The following PTPRJ variants were observed in gnomAD, a reference collection of about 807,000 sequenced individuals.
The protein encoded by PTPRJ is protein tyrosine phosphatase receptor type J.
Under a neutral mutation model 141.3 loss-of-function variants are expected in PTPRJ, and 129 were observed. That is an observed-to-expected ratio of 0.91 (90% CI 0.79 to 1.06). PTPRJ has a LOEUF of 1.06. PTPRJ is among the 50% of genes least tolerant of loss of function. The probability of loss-of-function intolerance (pLI) is 0.00; values close to 1 mark genes in which losing one functional copy is unlikely to be tolerated. For synonymous variants in PTPRJ, 610 were observed against 640.5 expected, an observed-to-expected ratio of 0.95 and a Z score of 0.72; for missense variants, 1,601 against 1,679.7, an observed-to-expected ratio of 0.95 and a Z score of 0.82.
At chr11:48,118,499 AC>A (rs1188226751) in intron 3 of PTPRJ, among the ~76,000 whole-genome samples, 1 of 152,202 alleles carries the variant, frequency 6.6e-6, no homozygotes, top group Non-Finnish European at 1.5e-5. Context: ...TGATACGAAA[AC>A]CAGACAAGGA....
In PTPRJ at chr11:48,150,425, C is replaced by T. The variant is rs79004751; in HGVS notation, c.3138+242C>T. Reference sequence around the variant, plus strand: ...CAGGTTACATTAAATGGCTATATAACGCAAGGGGTTGTTGCGCTCCAAACC... The same window carrying T: ...CAGGTTACATTAAATGGCTATATAATGCAAGGGGTTGTTGCGCTCCAAACC... On this transcript the variant is annotated intron_variant, in intron 18 of 24. Coordinates refer to ENST00000418331, the MANE Select transcript of PTPRJ (RefSeq NM_002843.4). 4.7e-3 allele frequency among the ~76,000 whole-genome samples: 715 copies of T among 152,300 alleles called. 5 individuals carry two copies. The highest frequency in any genetic ancestry group is 0.017 in the African/African-American group (692 of 41,556).
chr11:47,980,869 G>T lies in PTPRJ; in HGVS notation c.-44G>T. The stretch of plus-strand genomic sequence containing the variant: ...GTGCCCGGGCTCGGGCGCACGGCGG[G>T]GCCCGATTCGCGCGTCCGGGGCACG... On this transcript the variant is annotated 5_prime_UTR_variant, in exon 1 of 25. Transcript: ENST00000418331. 8 of 1,099,124 alleles carry T rather than the reference G, an allele frequency of 7.3e-6. No individual in the cohort carries two copies. Among genetic ancestry groups the T allele is most frequent in the Non-Finnish European group, 8.8e-6 (8 of 904,832 alleles). 68.1% of individuals were successfully genotyped at this position (1,099,124 alleles called of 1,614,324 possible). A position where few individuals can be genotyped will look rare whatever the true frequency, so the allele number is the denominator to read the frequency against.
chr11:48,130,859 T>G (rs1856960193), intron 8 of PTPRJ, 143 bp downstream of exon 8: 1 of 907,800 alleles, frequency 1.1e-6, no homozygotes. Context: ...CTAATGCTTA[T>G]TTATTATATG....
chr11:48,123,828 A>G lies in PTPRJ; in HGVS notation c.832A>G (p.Asn278Asp), dbSNP rs139028982. The G allele has an allele frequency of 3.7e-5, 60 of 1,614,046 alleles. No homozygotes were observed. The African/African-American group carries it at 6.3e-4, about 17-fold the overall frequency. The change falls in exon 5 of 25, where the codon AAT becomes GAT. Residue 278 changes from asparagine (N) to aspartate (D), a missense_variant. By Grantham distance (23) the Asn-to-Asp change is conservative (BLOSUM62 1). Coordinates refer to ENST00000418331, the MANE Select transcript of PTPRJ (RefSeq NM_002843.4). The stretch of plus-strand genomic sequence containing the variant: ...CATCAACCCGTATCTTCTACAATCA[A>G]ATAAGACAAAGGGAGACCCCTTGGG... ...YNINPYLLQS[N>D]KTKGDPLGTE...
intron 1 of PTPRJ, among the ~76,000 whole-genome samples, chr11:48,081,438 G>A (rs1230622146): frequency 6.6e-6 from 1 of 152,198 alleles, no homozygotes; most frequent in Non-Finnish European, 1.5e-5. Flanking sequence ...AGGAGAGGAA[G>A]CTCCATGTGG....
intron 1 of PTPRJ, among the ~76,000 whole-genome samples, chr11:48,085,926 C>T (rs1855694082): frequency 1.3e-5 from 2 of 152,128 alleles, no homozygotes; most frequent in Admixed American, 6.5e-5. Flanking sequence ...CTCTGTGCTC[C>T]TTCGTTTGCT....
intron 22 of PTPRJ, among the ~76,000 whole-genome samples, chr11:48,163,240 T>C (rs527467501): frequency 6.6e-6 from 1 of 152,364 alleles, no homozygotes; most frequent in East Asian, 1.9e-4. Flanking sequence ...GAATCTCTGC[T>C]GCCTCATCTT....
chr11:48,071,197 A>T (rs1855238249), intron 1 of PTPRJ, among the ~76,000 whole-genome samples: 1 of 152,252 alleles, frequency 6.6e-6, no homozygotes, highest in African/African-American at 2.4e-5. Flanking sequence ...CCGAACAGAT[A>T]TAATAAGCTC....
chr11:48,114,429 C>CAAAAAA (rs71045544), intron 3 of PTPRJ, among the ~76,000 whole-genome samples: 17 of 68,734 alleles, frequency 2.5e-4, no homozygotes, highest in African/African-American at 7.2e-4. Context: ...GACTCTGTCT[C>CAAAAAA]AAAAAAAAAA....
intron 1 of PTPRJ, among the ~76,000 whole-genome samples, chr11:48,024,188 A>T (rs1213826439): frequency 6.6e-6 from 1 of 150,818 alleles, no homozygotes; most frequent in African/African-American, 2.4e-5. Flanking sequence ...CCACACTTAC[A>T]TTTTTTTTCT....
At position 48,150,184 on chromosome 11, in the gene PTPRJ, G is replaced by GT. The variant is rs1565328644; in HGVS notation, c.3138+2dup. ...CTGTGGGTTCGCAGAGGAATACGAA[G>GT]TATGTTGCTGTAAATACTGTTTTTA... is the stretch of plus-strand genomic sequence containing the variant. On this transcript the variant is annotated splice_donor_variant, in intron 18 of 24. Transcript: ENST00000418331. LOFTEE classifies it high-confidence loss of function. 6.2e-7 allele frequency: 1 copy of GT among 1,612,572 alleles called. No individual in the cohort carries two copies. Among genetic ancestry groups the GT allele is most frequent in the Non-Finnish European group, 8.5e-7 (1 of 1,178,864 alleles).
At chr11:48,085,710 A>G (rs1036186435) in intron 1 of PTPRJ, among the ~76,000 whole-genome samples, 3 of 152,216 alleles carry the variant, frequency 2.0e-5, no homozygotes, top group African/African-American at 7.2e-5. Context: ...TTTTAAGAGC[A>G]TAAAGGAGAC....
chr11:48,145,135 GACA>G lies in PTPRJ; in HGVS notation c.2911+15_2911+17del, dbSNP rs750911418. 6.2e-7 allele frequency: 1 copy of G among 1,613,536 alleles called. No individual in the cohort carries two copies. Among genetic ancestry groups the G allele is most frequent in the South Asian group, 1.1e-5 (1 of 91,028 alleles). On this transcript the variant is annotated intron_variant, in intron 14 of 24. Coordinates refer to ENST00000418331, the MANE Select transcript of PTPRJ (RefSeq NM_002843.4). ...TGCCCCAGGATCCAGGTAGGGAGAA[GACA>G]ACAGTCCTGGCACTGGTTCAGTGGC...
intron 3 of PTPRJ, among the ~76,000 whole-genome samples, chr11:48,115,444 C>A (rs1275217141): frequency 6.6e-6 from 1 of 152,132 alleles, no homozygotes; most frequent in African/African-American, 2.4e-5. Flanking sequence ...GATTGCTATA[C>A]CCAGCAGAAC....
At chr11:48,141,341 G>T (rs1158815597) in intron 11 of PTPRJ, among the ~76,000 whole-genome samples, 3 of 151,860 alleles carry the variant, frequency 2.0e-5, no homozygotes, top group Admixed American at 6.6e-5. Context: ...GGAAAGGGGG[G>T]GTGTGCACAA....
chr11:48,121,927 G>A (rs1184312849), intron 4 of PTPRJ, among the ~76,000 whole-genome samples: 1 of 152,122 alleles, frequency 6.6e-6, no homozygotes, highest in Non-Finnish European at 1.5e-5. Context: ...GCTGGGGAGT[G>A]TGATCTCAGG....
Position 48,167,397 on chromosome 11 carries a change from C to A in PTPRJ, c.*35C>A, listed in dbSNP as rs767696908. ...AATAACCTTTCTGGAGTGAACCAGA[C>A]CGTCGCACCCACAGCGAAGGCACAT... On this transcript the variant is annotated 3_prime_UTR_variant, in exon 25 of 25. Transcript: ENST00000418331. 6.3e-7 allele frequency: 1 copy of A among 1,596,072 alleles called. No individual in the cohort carries two copies. The highest frequency in any genetic ancestry group is 2.2e-5 in the East Asian group (1 of 44,720).
At chr11:48,107,018 C>A (rs1040199514) in intron 1 of PTPRJ, among the ~76,000 whole-genome samples, 1 of 151,998 alleles carries the variant, frequency 6.6e-6, no homozygotes, top group African/African-American at 2.4e-5. Context: ...ATCCACCTGC[C>A]TTGGCCTCAC....
chr11:48,084,523 T>G (rs143802852), intron 1 of PTPRJ, among the ~76,000 whole-genome samples: 2 of 152,162 alleles, frequency 1.3e-5, no homozygotes, highest in Non-Finnish European at 2.9e-5. Flanking sequence ...TCAGGTTTGA[T>G]TATGCAAATG....
Sources: allele counts gnomAD v4.1 joint callset (sites outside exome capture counted in the v4.1 genomes callset), GRCh38; gene constraint gnomAD v4.1.1; transcripts MANE v1.5; gene names NCBI Gene and HGNC (gene_info 2026-07-23, HGNC 2026-07-21).